Variants in SDK1 observed in about 807,000 individuals in gnomAD.
SDK1 encodes sidekick cell adhesion molecule 1, also known as protein sidekick-1.
Under a neutral mutation model 245.5 loss-of-function variants are expected in SDK1, and 157 were observed. The observed-to-expected ratio is 0.64, with a 90% CI of 0.56 to 0.73. The LOEUF (loss-of-function observed/expected upper bound fraction) is 0.73. SDK1 is among the 30% of genes least tolerant of loss of function. The pLI is 0.00. For missense variants in SDK1, 3,583 were observed against 3,002.3 expected, an observed-to-expected ratio of 1.19 and a Z score of -4.52; for synonymous variants, 1,647 against 1,278.5, an observed-to-expected ratio of 1.29 and a Z score of -6.15.
chr7:3,477,896 C>G (rs1297172986), intron 1 of SDK1, among the ~76,000 whole-genome samples: 1 of 152,088 alleles, frequency 6.6e-6, no homozygotes, highest in African/African-American at 2.4e-5. Context: ...CTGATTTGTT[C>G]GTTTCACAGG....
chr7:3,627,155 C>T (rs999301763), intron 2 of SDK1, among the ~76,000 whole-genome samples: 3 of 152,116 alleles, frequency 2.0e-5, no homozygotes, highest in Admixed American at 6.5e-5. Context: ...TCTCAAACTC[C>T]TGGGCTCAAA....
intron 1 of SDK1, among the ~76,000 whole-genome samples, chr7:3,502,604 C>A (rs930452580): frequency 6.6e-6 from 1 of 152,166 alleles, no homozygotes; most frequent in Admixed American, 6.5e-5. Context: ...ATTGCACATA[C>A]AAAATTTGGA....
chr7:4,012,292 C>A, intron 16 of SDK1, 57 bp downstream of exon 16: 1 of 1,424,630 alleles, frequency 7.0e-7, no homozygotes, highest in South Asian at 1.7e-5. Context: ...GCGTCGATTT[C>A]ACAGAGGGTT....
In SDK1 at chr7:3,343,513, A is replaced by C. The variant is rs574281015; in HGVS notation, c.298+41629A>C. Among the ~76,000 whole-genome samples, 29 of 152,340 alleles carry C rather than the reference A, an allele frequency of 1.9e-4. No homozygotes were observed. In the South Asian group the frequency reaches 5.4e-3, roughly 28 times the overall value. On this transcript the variant is annotated intron_variant, in intron 1 of 44. Coordinates refer to ENST00000404826, the MANE Select transcript of SDK1 (RefSeq NM_152744.4). Reference sequence around the variant, plus strand: ...AAGAGCAGAAGAGAGTAGGACGGACATGGATGTGGCTAATGAAAGAGTGAC... The same window carrying C: ...AAGAGCAGAAGAGAGTAGGACGGACCTGGATGTGGCTAATGAAAGAGTGAC...
At chr7:4,012,548 G>GC (rs1786067998) in intron 16 of SDK1, among the ~76,000 whole-genome samples, 1 of 45,088 alleles carries the variant, frequency 2.2e-5, no homozygotes, top group Non-Finnish European at 5.6e-5. Flanking sequence ...TCAATGTGAA[G>GC]CTTTTTTTTT....
intron 2 of SDK1, among the ~76,000 whole-genome samples, chr7:3,638,446 A>G (rs1448626328): frequency 6.6e-6 from 1 of 151,802 alleles, no homozygotes; most frequent in Non-Finnish European, 1.5e-5. Flanking sequence ...ATGGAATACT[A>G]TGCAGCCATA....
chr7:3,525,051 C>CT (rs1480091188), intron 1 of SDK1, among the ~76,000 whole-genome samples: 1 of 152,100 alleles, frequency 6.6e-6, no homozygotes, highest in African/African-American at 2.4e-5. Flanking sequence ...AAAAATATAA[C>CT]TATTTACGTA....
At chr7:3,441,775 C>T (rs766179458) in intron 1 of SDK1, among the ~76,000 whole-genome samples, 1 of 152,152 alleles carries the variant, frequency 6.6e-6, no homozygotes, top group South Asian at 2.1e-4. Flanking sequence ...AACATCGAGT[C>T]ATTTCTGAGT....
In SDK1 at chr7:3,650,680, C is replaced by T. The variant is rs139108205; in HGVS notation, c.713+8575C>T. On this transcript the variant is annotated intron_variant, in intron 4 of 44. Coordinates refer to ENST00000404826, the MANE Select transcript of SDK1 (RefSeq NM_152744.4). ...CAATACTAGGATTTCTCTTATTAAC[C>T]TTTTATGGCCATAACTACTTTCCTC... Among the ~76,000 whole-genome samples the T allele has an allele frequency of 1.5e-3, 229 of 152,244 alleles. 1 individual carries two copies. The highest frequency in any genetic ancestry group is 5.3e-3 in the African/African-American group (219 of 41,540).
chr7:3,346,763 A>G (rs1259844936), intron 1 of SDK1, among the ~76,000 whole-genome samples: 1 of 123,620 alleles, frequency 8.1e-6, no homozygotes, highest in Non-Finnish European at 1.6e-5. Flanking sequence ...GTGTGTGTAT[A>G]TATGTATATA....
chr7:3,755,182 T>C (rs897982577), intron 4 of SDK1, among the ~76,000 whole-genome samples: 3 of 152,160 alleles, frequency 2.0e-5, no homozygotes, highest in Non-Finnish European at 2.9e-5. Flanking sequence ...GATTGGAGGC[T>C]GTTGGCCTGG....
At chr7:3,310,421 A>G (rs1004809983) in intron 1 of SDK1, among the ~76,000 whole-genome samples, 3 of 152,196 alleles carry the variant, frequency 2.0e-5, no homozygotes, top group African/African-American at 7.2e-5. Flanking sequence ...AGCTTGGGCT[A>G]GGTGGTGGTG....
chr7:3,899,442 A>G (rs1027517007), intron 5 of SDK1, among the ~76,000 whole-genome samples: 1 of 152,148 alleles, frequency 6.6e-6, no homozygotes, highest in Non-Finnish European at 1.5e-5. Flanking sequence ...ATAATCACTC[A>G]TTTTCTCTCG....
In SDK1 at chr7:4,026,959, T is replaced by A. The variant is rs1787401870; in HGVS notation, c.2602+9607T>A. On this transcript the variant is annotated intron_variant, in intron 17 of 44. Coordinates refer to ENST00000404826, the MANE Select transcript of SDK1 (RefSeq NM_152744.4). The surrounding 1 kb of genome is among the most constrained non-coding windows in gnomAD (Gnocchi z 4.1). ...ACCTGGAGAAATGGACACCTGTGAA[T>A]CCCTGCTGTGTTCTGGATAGATGCA... Among the ~76,000 whole-genome samples the A allele has an allele frequency of 6.6e-6, 1 of 152,230 alleles. No homozygotes were observed. The highest frequency in any genetic ancestry group is 2.4e-5 in the African/African-American group (1 of 41,472).
chr7:3,587,749 C>G (rs1780737577), intron 1 of SDK1, among the ~76,000 whole-genome samples: 1 of 152,236 alleles, frequency 6.6e-6, no homozygotes, highest in Admixed American at 6.5e-5. Context: ...GTGGCCCACT[C>G]AAGTTGACAA....
At chr7:3,318,217 A>G (rs945798452) in intron 1 of SDK1, among the ~76,000 whole-genome samples, 2 of 152,196 alleles carry the variant, frequency 1.3e-5, no homozygotes, top group African/African-American at 2.4e-5. Flanking sequence ...CTTGTTACAA[A>G]CATGCACACA....
chr7:4,107,868 G>A (rs929323771), intron 22 of SDK1, among the ~76,000 whole-genome samples: 1 of 152,172 alleles, frequency 6.6e-6, no homozygotes, highest in Admixed American at 6.5e-5. Flanking sequence ...GTAAGGTGTC[G>A]TGAGCTGTGC....
intron 1 of SDK1, among the ~76,000 whole-genome samples, chr7:3,542,781 G>T (rs1316184454): frequency 1.3e-5 from 2 of 152,130 alleles, no homozygotes; most frequent in African/African-American, 4.8e-5. Context: ...AGAAGGTACA[G>T]AGCTCTAAAA....
chr7:3,412,413 A>G (rs1328762104), intron 1 of SDK1, among the ~76,000 whole-genome samples: 3 of 152,150 alleles, frequency 2.0e-5, no homozygotes, highest in Non-Finnish European at 2.9e-5. Flanking sequence ...GCTGACTCTC[A>G]AGCAGTTTGT....
Sources: allele counts gnomAD v4.1 joint callset (sites outside exome capture counted in the v4.1 genomes callset), GRCh38; gene constraint gnomAD v4.1.1; non-coding constraint Gnocchi (gnomAD v3.1); transcripts MANE v1.5; gene names NCBI Gene and HGNC (gene_info 2026-07-23, HGNC 2026-07-21).